Variants in MYT1L observed in about 807,000 individuals in gnomAD.
MYT1L encodes the protein myelin transcription factor 1-like protein.
MYT1L carries 12 observed loss-of-function variants against 126.7 expected under a neutral mutation model. The observed-to-expected ratio is 0.09, with a 90% CI of 0.06 to 0.15. The LOEUF is 0.15. MYT1L is among the 10% of genes least tolerant of loss of function. MYT1L has a pLI of 1.00. For missense variants in MYT1L, 979 were observed against 1,585.2 expected (o/e 0.62, Z 6.49); for synonymous variants, 541 against 604.2 (o/e 0.90, Z 1.53).
rs2053758795 is a variant in MYT1L, at chr2:1,922,986, T to C, written c.783A>G (p.Thr261=). 1 of 1,614,060 alleles carries C rather than the reference T, an allele frequency of 6.2e-7. No individual in the cohort carries two copies. Reference sequence around the variant, plus strand: ...GGGCTAATAGTTTAAGGGAGTCCACTGTTTCTCTAACAACATCACTGTCTA... The same window carrying C: ...GGGCTAATAGTTTAAGGGAGTCCACCGTTTCTCTAACAACATCACTGTCTA... The part of the protein sequence containing the change: ...LDLDSDVVRE[T]VDSLKLLAQG... The change falls in exon 10 of 25, where the codon ACA becomes ACG. Residue 261 remains threonine (T), a synonymous_variant. Transcript: ENST00000647738. This position sits in a 1 kb window ranked among gnomAD's most constrained non-coding sequence, Gnocchi z 7.4.
intron 2 of MYT1L, among the ~76,000 whole-genome samples, chr2:2,198,836 A>G (rs1255776603): frequency 6.6e-6 from 1 of 152,130 alleles, no homozygotes; most frequent in Admixed American, 6.6e-5. Context: ...ACAGAGCGAG[A>G]CTCTGTCTCA....
At position 2,085,464 on chromosome 2, in the gene MYT1L, G is replaced by A. The variant is rs1255453560; in HGVS notation, c.-303-31341C>T. On this transcript the variant is annotated intron_variant, in intron 3 of 24. Coordinates refer to ENST00000647738, the MANE Select transcript of MYT1L (RefSeq NM_001303052.2). ...CTTCAAATGCACCCTTCTACATTAA[G>A]TCTATGCTGCTCCCTTTCCCACCCC... 2.6e-4 allele frequency among the ~76,000 whole-genome samples: 39 copies of A among 152,066 alleles called. 1 individual carries two copies. The highest frequency in any genetic ancestry group is 4.4e-5 in the Non-Finnish European group (3 of 68,024).
At position 2,228,900 on chromosome 2, in the gene MYT1L, C is replaced by A. The variant is rs956353076; in HGVS notation, c.-421+55504G>T. ...AACAATCTTTTTAAAAAATACAGGA[C>A]AAGGGCAAGTTAATAAGAAGAAACA... On this transcript the variant is annotated intron_variant, in intron 2 of 24. Transcript: ENST00000647738. This position sits in a 1 kb window ranked among gnomAD's most constrained non-coding sequence, Gnocchi z 5.9. Among the ~76,000 whole-genome samples the A allele has an allele frequency of 6.6e-6, 1 of 151,976 alleles. No homozygotes were observed. Among genetic ancestry groups the A allele is most frequent in the African/African-American group, 2.4e-5 (1 of 41,390 alleles).
chr2:1,976,412 C>T (rs956367742), intron 8 of MYT1L, among the ~76,000 whole-genome samples: 5 of 152,302 alleles, frequency 3.3e-5, no homozygotes, highest in South Asian at 2.1e-4. Context: ...GAGGCCGAGG[C>T]GGGCGGATCA....
At position 1,889,793 on chromosome 2, in the gene MYT1L, ATC is replaced by A. The variant is rs2048619903; in HGVS notation, c.2284-318_2284-317del. Among the ~76,000 whole-genome samples the A allele has an allele frequency of 6.6e-6, 1 of 152,004 alleles. No homozygotes were observed. The highest frequency in any genetic ancestry group is 2.4e-5 in the African/African-American group (1 of 41,366). On this transcript the variant is annotated intron_variant, in intron 15 of 24. Transcript: ENST00000647738. This position sits in a 1 kb window ranked among gnomAD's most constrained non-coding sequence, Gnocchi z 4.1. ...CTCTCCTTCCTTTTTGTCCTATTGT[ATC>A]TCTGATTTAGAGTTTGTTCAGAAGA...
At chr2:2,241,646 TG>T (rs1399284470) in intron 2 of MYT1L, among the ~76,000 whole-genome samples, 2 of 152,210 alleles carry the variant, frequency 1.3e-5, no homozygotes, top group Admixed American at 6.5e-5. Context: ...TGGATTTTGG[TG>T]GGAGCTGCAA....
At chr2:1,947,212 G>A (rs1251731671) in intron 8 of MYT1L, among the ~76,000 whole-genome samples, 1 of 152,150 alleles carries the variant, frequency 6.6e-6, no homozygotes, top group African/African-American at 2.4e-5. Flanking sequence ...GGGGTAAGGT[G>A]GGGCTCCTGT....
intron 3 of MYT1L, among the ~76,000 whole-genome samples, chr2:2,118,857 A>G (rs1271578469): frequency 1.3e-5 from 2 of 152,264 alleles, no homozygotes; most frequent in Non-Finnish European, 2.9e-5. Context: ...AGTTTTATCA[A>G]GGTTGGAACA....
In MYT1L at chr2:1,943,001, C is replaced by T. The variant is rs1573817306; in HGVS notation, c.486G>A (p.Glu162=). ...GATTACCGTTTTCTTCTTCCTCTTCCTCCTCCTCCTCCTCCTCCTCTTCCT... is the reference window on the plus strand; with the variant it reads ...GATTACCGTTTTCTTCTTCCTCTTCTTCCTCCTCCTCCTCCTCCTCTTCCT... The part of the protein sequence containing the change: ...EEEEEEEEEE[E]EEEEENEDHQ... The change falls in exon 9 of 25, where the codon GAG becomes GAA. Residue 162 remains glutamate (E), a synonymous_variant. Coordinates refer to ENST00000647738, the MANE Select transcript of MYT1L (RefSeq NM_001303052.2). The surrounding 1 kb of genome is among the most constrained non-coding windows in gnomAD (Gnocchi z 4.4). The T allele has an allele frequency of 4.6e-6, 6 of 1,303,214 alleles. No individual in the cohort carries two copies. The highest frequency in any genetic ancestry group is 3.1e-5 in the South Asian group (2 of 64,694). 80.7% of individuals were successfully genotyped at this position (1,303,214 alleles called of 1,614,324 possible).
intron 18 of MYT1L, among the ~76,000 whole-genome samples, chr2:1,867,238 G>A (rs557747702): frequency 2.0e-5 from 3 of 152,086 alleles, no homozygotes; most frequent in Non-Finnish European, 4.4e-5. Context: ...GACCTTGGGC[G>A]AAGGTGTGGA....
intron 2 of MYT1L, among the ~76,000 whole-genome samples, chr2:2,196,942 T>C (rs2092824351): frequency 6.6e-6 from 1 of 152,028 alleles, no homozygotes; most frequent in African/African-American, 2.4e-5. Context: ...CCCAACTAAA[T>C]GCTGCTTTCA....
intron 9 of MYT1L, among the ~76,000 whole-genome samples, chr2:1,939,493 A>C (rs182140123): frequency 6.6e-6 from 1 of 152,218 alleles, no homozygotes; most frequent in Non-Finnish European, 1.5e-5. Flanking sequence ...CTTACGCTGC[A>C]CATCTCACAT....
At chr2:2,155,020 G>A (rs1323639057) in intron 3 of MYT1L, among the ~76,000 whole-genome samples, 2 of 152,084 alleles carry the variant, frequency 1.3e-5, no homozygotes, top group African/African-American at 4.8e-5. Context: ...CCAGCTACTC[G>A]GGAGGCTGAG....
intron 2 of MYT1L, among the ~76,000 whole-genome samples, chr2:2,222,613 G>T (rs1413956599): frequency 1.3e-5 from 2 of 151,972 alleles, no homozygotes; most frequent in African/African-American, 2.4e-5. Context: ...TTATGATGTT[G>T]CCTGGTTCCT....
At chr2:2,232,926 T>TATCACTC (rs2094194562) in intron 2 of MYT1L, among the ~76,000 whole-genome samples, 1 of 152,154 alleles carries the variant, frequency 6.6e-6, no homozygotes, top group African/African-American at 2.4e-5. Context: ...TTGTATTTCT[T>TATCACTC]ATCACTCTGG....
At position 1,889,607 on chromosome 2, in the gene MYT1L, C is replaced by A. The variant is rs2048586050; in HGVS notation, c.2284-130G>T. The A allele has an allele frequency of 1.5e-6, 1 of 688,876 alleles. No individual in the cohort carries two copies. The highest frequency in any genetic ancestry group is 2.3e-6 in the Non-Finnish European group (1 of 442,274). 42.7% of individuals were successfully genotyped at this position (688,876 alleles called of 1,614,324 possible). ...ACACAGAATCCCTCGCTGCTGTTTC[C>A]TTGGCCTAAACTCCCAAGGCGGACA... On this transcript the variant is annotated intron_variant, in intron 15 of 24. Coordinates refer to ENST00000647738, the MANE Select transcript of MYT1L (RefSeq NM_001303052.2). The surrounding 1 kb of genome is among the most constrained non-coding windows in gnomAD (Gnocchi z 4.1).
chr2:1,858,177 T>A (rs1171363498), intron 18 of MYT1L, among the ~76,000 whole-genome samples: 3 of 152,260 alleles, frequency 2.0e-5, no homozygotes, highest in East Asian at 1.9e-4. Context: ...ATATATTTTT[T>A]AATTTTGATT....
At chr2:2,225,544 C>A (rs150788424) in intron 2 of MYT1L, among the ~76,000 whole-genome samples, 3 of 152,156 alleles carry the variant, frequency 2.0e-5, no homozygotes, top group Admixed American at 1.3e-4. Context: ...ATTGACTCGA[C>A]CTTTACTTTC....
chr2:2,229,129 A>C (rs2094097701), intron 2 of MYT1L, among the ~76,000 whole-genome samples: 1 of 152,232 alleles, frequency 6.6e-6, no homozygotes, highest in African/African-American at 2.4e-5. Flanking sequence ...TAGGCATTTT[A>C]CATATCTAAT....
Sources: gnomAD v4.1 joint callset for allele counts (sites outside exome capture counted in the v4.1 genomes callset) on GRCh38, gnomAD v4.1.1 for gene constraint, Gnocchi (gnomAD v3.1) non-coding constraint, MANE v1.5 for transcripts, NCBI Gene and HGNC (gene_info 2026-07-23, HGNC 2026-07-21) for gene names.